The following DST variants were observed in gnomAD, a reference collection of about 807,000 sequenced individuals.
DST encodes the protein bullous pemphigoid antigen.
A neutral mutation model predicts 875.2 loss-of-function variants in DST; 253 were observed. That is an observed-to-expected ratio of 0.29 (90% CI 0.26 to 0.32). DST has a LOEUF of 0.32. Ranked by LOEUF, DST falls within the 10% of genes least tolerant of loss-of-function variation. The pLI is 1.00. For missense variants in DST, 8,287 were observed against 9,111.6 expected (o/e 0.91, Z 3.68); for synonymous variants, 3,124 against 3,197.1 (o/e 0.98, Z 0.77).
Position 56,506,662 on chromosome 6 carries a change from T to C in DST, c.19362+5A>G, listed in dbSNP as rs191062687. The stretch of plus-strand genomic sequence containing the variant: ...AAGCCATTCTGATAAGTAAGCCAGT[T>C]GTACCTCATCTATACTCTTCTTGAC... On this transcript the variant is annotated splice_donor_5th_base_variant and intron_variant, in intron 76 of 103. Transcript: ENST00000680361. The C allele has an allele frequency of 1.9e-6, 3 of 1,613,504 alleles. No individual in the cohort carries two copies. The highest frequency in any genetic ancestry group is 2.2e-5 in the East Asian group (1 of 44,840).
At position 56,838,823 on chromosome 6, in the gene DST, A is replaced by T. The variant is rs546514078; in HGVS notation, c.625+12574T>A. ...TTTCAAACCCATGTTGTAACATAAA[A>T]CATTCAAATGCGTCATTTTGAAAAT... is the stretch of plus-strand genomic sequence containing the variant. On this transcript the variant is annotated intron_variant, in intron 4 of 103. Coordinates refer to ENST00000680361, the MANE Select transcript of DST (RefSeq NM_001374736.1). Among the ~76,000 whole-genome samples the T allele has an allele frequency of 7.2e-5, 11 of 152,352 alleles. No homozygotes were observed. The East Asian group carries it at 2.1e-3, about 29-fold the overall frequency.
At chr6:56,678,788 C>T (rs969002257) in intron 9 of DST, among the ~76,000 whole-genome samples, 1 of 152,176 alleles carries the variant, frequency 6.6e-6, no homozygotes, top group African/African-American at 2.4e-5. Flanking sequence ...CTGTTATGGG[C>T]CTGGAGATGG....
At chr6:56,685,632 C>G (rs1256644786) in intron 9 of DST, among the ~76,000 whole-genome samples, 1 of 151,928 alleles carries the variant, frequency 6.6e-6, no homozygotes, top group African/African-American at 2.4e-5. Flanking sequence ...ATTAGCCAGG[C>G]GTGGTGGTGG....
At chr6:56,504,144 A>T (rs780723506) in intron 77 of DST, 46 bp from the exon 78 acceptor site, 2 of 1,270,820 alleles carry the variant, frequency 1.6e-6, no homozygotes, top group Non-Finnish European at 2.2e-6. Context: ...GTACATTTGA[A>T]ATTGCTACAG....
At chr6:56,866,089 G>A (rs904136449) in intron 3 of DST, among the ~76,000 whole-genome samples, 3 of 152,044 alleles carry the variant, frequency 2.0e-5, no homozygotes, top group Admixed American at 2.0e-4. Context: ...TGCCTCCTGG[G>A]TTCAAGCAAT....
chr6:56,932,585 G>A (rs762299785), intron 2 of DST, among the ~76,000 whole-genome samples: 8 of 152,076 alleles, frequency 5.3e-5, no homozygotes, highest in Non-Finnish European at 8.8e-5. Context: ...TCTCAAATAT[G>A]CCTGGTAACT....
intron 4 of DST, among the ~76,000 whole-genome samples, chr6:56,792,594 CCTGA>C (rs1004408714): frequency 1.2e-4 from 18 of 152,162 alleles, no homozygotes; most frequent in African/African-American, 4.1e-4. Context: ...CACCACCACA[CCTGA>C]CTAAGTGATC....
chr6:56,879,450 G>A (rs1400804509), intron 3 of DST, among the ~76,000 whole-genome samples: 2 of 149,822 alleles, frequency 1.3e-5, no homozygotes, highest in East Asian at 3.9e-4. Context: ...CACCCTGGGA[G>A]ACAGAGCGAG....
intron 22 of DST, among the ~76,000 whole-genome samples, chr6:56,638,215 C>T (rs1465329220): frequency 6.6e-6 from 1 of 152,080 alleles, no homozygotes; most frequent in Non-Finnish European, 1.5e-5. Context: ...GTTTTCATCT[C>T]TCCACCCTAA....
chr6:56,637,935 G>T (rs975958312), intron 22 of DST, among the ~76,000 whole-genome samples: 2 of 151,882 alleles, frequency 1.3e-5, no homozygotes, highest in Non-Finnish European at 2.9e-5. Context: ...CTCAAATTAA[G>T]CTACTTTCAG....
At chr6:56,695,812 T>C (rs2099260364) in intron 9 of DST, among the ~76,000 whole-genome samples, 3 of 152,244 alleles carry the variant, frequency 2.0e-5, no homozygotes, top group African/African-American at 7.2e-5. Flanking sequence ...ATAACAAATA[T>C]TGTTAAAATA....
At chr6:56,772,809 G>A (rs1410352993) in intron 4 of DST, among the ~76,000 whole-genome samples, 1 of 152,140 alleles carries the variant, frequency 6.6e-6, no homozygotes, top group Non-Finnish European at 1.5e-5. Flanking sequence ...CCCCACCTCT[G>A]TTATGCACAT....
intron 75 of DST, among the ~76,000 whole-genome samples, chr6:56,507,118 C>G (rs2096341689): frequency 6.6e-6 from 1 of 152,124 alleles, no homozygotes; most frequent in African/African-American, 2.4e-5. Context: ...AACCAATATA[C>G]ATTTAACATA....
At chr6:56,493,520 T>C (rs768728486) in intron 83 of DST, among the ~76,000 whole-genome samples, 3 of 152,126 alleles carry the variant, frequency 2.0e-5, no homozygotes, top group African/African-American at 4.8e-5. Flanking sequence ...TTGAGATTTC[T>C]TAGATTGTCA....
chr6:56,516,478 C>T (rs1157103132), intron 71 of DST, among the ~76,000 whole-genome samples: 3 of 152,050 alleles, frequency 2.0e-5, no homozygotes, highest in Non-Finnish European at 4.4e-5. Flanking sequence ...GAGTGCATAT[C>T]ATTACATTGT....
In DST at chr6:56,920,564, C is replaced by T. The variant is rs576067841; in HGVS notation, c.217-19943G>A. Among the ~76,000 whole-genome samples, 9 of 152,226 alleles carry T rather than the reference C, an allele frequency of 5.9e-5. 1 individual carries two copies. The highest frequency in any genetic ancestry group is 1.9e-4 in the African/African-American group (8 of 41,546). On this transcript the variant is annotated intron_variant, in intron 2 of 103. Coordinates refer to ENST00000680361, the MANE Select transcript of DST (RefSeq NM_001374736.1). ...CAACCGTTAAAAATTTTTTGGATCA[C>T]GGAGTTTCATTGGTTGTCTATAAAA... is the stretch of plus-strand genomic sequence containing the variant.
intron 36 of DST, chr6:56,619,257 T>A (rs202229877): frequency 1.9e-6 from 3 of 1,613,068 alleles, no homozygotes; most frequent in Non-Finnish European, 2.5e-6. Flanking sequence ...TCTGCCTGAA[T>A]TCTCTGCATC....
rs773629086 is a variant in DST at position 56,625,251 on chromosome 6, T to C, written c.4736A>G (p.Gln1579Arg). The C allele has an allele frequency of 9.3e-6, 15 of 1,611,678 alleles. No homozygotes were observed. In the South Asian group the frequency reaches 1.5e-4, roughly 17 times the overall value. ...YSATVKDYEL[Q>R]TMTYRAMVDS... The stretch of plus-strand genomic sequence containing the variant: ...TACCATGGCCCGGTAGGTCATTGTT[T>C]GTAATTCATAGTCCTGTATAAAGGA... The change falls in exon 35 of 104, where the codon CAA (glutamine) becomes CGA (arginine). Residue 1579 changes from glutamine (Q) to arginine (R), a missense_variant. Physicochemically the swap from Gln to Arg is conservative, Grantham distance 43 (BLOSUM62 1). Transcript: ENST00000680361.
Position 56,604,511 on chromosome 6 carries a change from C to T in DST, c.10117G>A (p.Val3373Ile). ...LKEGHMNPQE[V>I]EEPSACADTK... ...TCTGCACAGGCTGAAGGTTCTTCAA[C>T]CTCTTGAGGGTTCATATGACCTTCT... The change falls in exon 40 of 104, where the codon GTT becomes ATT. Residue 3373 changes from valine (V) to isoleucine (I), a missense_variant. Physicochemically the swap from Val to Ile is conservative, Grantham distance 29. Around this residue, in one of 10 missense-constraint regions of DST, gnomAD observed 3,138 missense variants for 3,116.6 expected, o/e 1.01. Coordinates refer to ENST00000680361, the MANE Select transcript of DST (RefSeq NM_001374736.1). 1 of 1,612,452 alleles carries T rather than the reference C, an allele frequency of 6.2e-7. No homozygotes were observed. Among genetic ancestry groups the T allele is most frequent in the Non-Finnish European group, 8.5e-7 (1 of 1,179,074 alleles).
Sources: gnomAD v4.1 joint callset for allele counts (sites outside exome capture counted in the v4.1 genomes callset) on GRCh38, gnomAD v4.1.1 for gene constraint, gnomAD v4.1.1 regional missense constraint, MANE v1.5 for transcripts, NCBI Gene and HGNC (gene_info 2026-07-23, HGNC 2026-07-21) for gene names.